Variants in KIRREL2 observed in about 807,000 individuals in gnomAD.
The protein encoded by KIRREL2 is kin of IRRE-like protein 2.
KIRREL2 carries 56 observed loss-of-function variants against 73.4 expected under a neutral mutation model. The observed-to-expected ratio is 0.76, with a 90% CI of 0.62 to 0.95. KIRREL2 has a LOEUF of 0.95. Among genes scored for constraint, KIRREL2 ranks in the 40% least tolerant of loss-of-function variants. The probability of loss-of-function intolerance (pLI) is 0.00; values close to 1 mark genes in which losing one functional copy is unlikely to be tolerated. For missense variants in KIRREL2, 896 were observed against 935.0 expected (o/e 0.96, Z 0.54); for synonymous variants, 407 against 404.0 (o/e 1.01, Z -0.09).
chr19:35,860,662 T>C lies in KIRREL2; in HGVS notation c.923T>C (p.Val308Ala). The change falls in exon 7 of 15, where the codon GTG (valine) becomes GCG (alanine). Residue 308 changes from valine to alanine, a missense_variant. Physicochemically the swap from Val to Ala is moderately conservative, Grantham distance 64. Transcript: ENST00000360202. ...GCCAACCGCAGTACTGCGCTGGATG[T>C]GCTGTGTGAGCTGGGGCCGGCCTGT... ...GSANRSTALD[V>A]LFGPILQAKP... is the part of the protein sequence containing the mutation. 1 of 1,602,674 alleles carries C rather than the reference T, an allele frequency of 6.2e-7. No homozygotes were observed. Among genetic ancestry groups the C allele is most frequent in the Non-Finnish European group, 8.5e-7 (1 of 1,179,788 alleles).
At position 35,858,697 on chromosome 19, in the gene KIRREL2, C is replaced by T; in HGVS notation, c.362-7C>T. The T allele has an allele frequency of 6.2e-7, 1 of 1,613,728 alleles. No homozygotes were observed. Among genetic ancestry groups the T allele is most frequent in the Non-Finnish European group, 8.5e-7 (1 of 1,179,848 alleles). On this transcript the variant is annotated splice_region_variant and splice_polypyrimidine_tract_variant and intron_variant, in intron 3 of 14. Coordinates refer to ENST00000360202, the MANE Select transcript of KIRREL2 (RefSeq NM_199180.4). ...GATCCATCTCTGACCCCAAATCCAC[C>T]TTGCAGTCCCCCCAGAAGCCCCCCA...
rs766271452 is a variant in KIRREL2 at position 35,866,262 on chromosome 19, C to A, written c.1897C>A (p.Pro633Thr). 2.5e-6 allele frequency: 4 copies of A among 1,605,824 alleles called. No individual in the cohort carries two copies. Among genetic ancestry groups the A allele is most frequent in the East Asian group, 4.5e-5 (2 of 44,828 alleles). Residue 633 changes from proline (P) to threonine (T), a missense_variant, in exon 15 of 15, where the codon CCC becomes ACC. Pro to Thr is a conservative substitution (Grantham distance 38). Coordinates refer to ENST00000360202, the MANE Select transcript of KIRREL2 (RefSeq NM_199180.4). The part of the protein sequence containing the change: ...LFLPPPSPLG[P>T]PGTPTFYDFN... Reference sequence around the variant, plus strand: ...CCTGCCACCACCCTCCCCCCTTGGGCCCCCAGGGACCCCTACCTTCTATGA... The same window carrying A: ...CCTGCCACCACCCTCCCCCCTTGGGACCCCAGGGACCCCTACCTTCTATGA...
chr19:35,856,828 A>G (rs1973440682), upstream of KIRREL2: 1 of 492,374 alleles, frequency 2.0e-6, no homozygotes, highest in Non-Finnish European at 3.6e-6. The surrounding 1 kb of genome is among the most constrained non-coding windows in gnomAD (Gnocchi z 5.9). Flanking sequence ...CAGCCGCGGG[A>G]GTTTCTCAAC....
upstream of KIRREL2, among the ~76,000 whole-genome samples, chr19:35,853,123 C>T (rs1035001597): frequency 6.6e-6 from 1 of 152,074 alleles, no homozygotes; most frequent in Non-Finnish European, 1.5e-5. Context: ...GACATCAGTG[C>T]CTAAATGATG....
chr19:35,861,174 C>CTATGCACACATAGACGCCCGAGG lies in KIRREL2; in HGVS notation c.1109_1110insTATGCACACATAGACGCCCGAGG (p.Gly371MetfsTer4). 6.3e-7 allele frequency: 1 copy of CTATGCACACATAGACGCCCGAGG among 1,584,892 alleles called. No individual in the cohort carries two copies. The highest frequency in any genetic ancestry group is 8.6e-7 in the Non-Finnish European group (1 of 1,167,988). On this transcript the variant is annotated stop_gained and frameshift_variant, in exon 9 of 15. Coordinates refer to ENST00000360202, the MANE Select transcript of KIRREL2 (RefSeq NM_199180.4). LOFTEE classifies it high-confidence loss of function. ...CTTCCGTCGGTGGGGCCCGAGGACGCAGGCGACTATGTGTGCAGAGCTGAG... is the reference window on the plus strand; with the variant it reads ...CTTCCGTCGGTGGGGCCCGAGGACGCTATGCACACATAGACGCCCGAGGAGGCGACTATGTGTGCAGAGCTGAG...
In KIRREL2 at chr19:35,859,561, C is replaced by A. The variant is rs369090630; in HGVS notation, c.603C>A (p.Thr201=). 2 of 1,614,046 alleles carry A rather than the reference C, an allele frequency of 1.2e-6. No individual in the cohort carries two copies. Among genetic ancestry groups the A allele is most frequent in the Non-Finnish European group, 1.7e-6 (2 of 1,180,038 alleles). ...LTPFSHDDGA[T]FVCRARSQAL... is the part of the protein sequence containing the mutation. ...CTTTCAGCCATGATGATGGAGCCAC[C>A]TTTGTCTGCCGGGCCCGGAGCCAGG... The change falls in exon 5 of 15, where the codon ACC becomes ACA. Residue 201 remains threonine, a synonymous_variant. Coordinates refer to ENST00000360202, the MANE Select transcript of KIRREL2 (RefSeq NM_199180.4).
At chr19:35,853,979 G>A (rs1416391608), upstream of KIRREL2, among the ~76,000 whole-genome samples, 2 of 151,926 alleles carry the variant, frequency 1.3e-5, no homozygotes, top group African/African-American at 2.4e-5. Flanking sequence ...TGAGTAGCTG[G>A]GAATACAGGC....
intron 14 of KIRREL2, among the ~76,000 whole-genome samples, chr19:35,865,421 G>T (rs941345818): frequency 6.6e-6 from 1 of 152,094 alleles, no homozygotes; most frequent in African/African-American, 2.4e-5. Flanking sequence ...AAAGTGCTGG[G>T]ATTACAGGCG....
chr19:35,860,950 G>C lies in KIRREL2; in HGVS notation c.970G>C (p.Asp324His). ...LQAKPEPVSV[D>H]VGEDASFSCA... The stretch of plus-strand genomic sequence containing the variant: ...GGCAAAGCCGGAGCCCGTGTCCGTG[G>C]ACGTGGGGGAAGACGCTTCCTTCAG... The change falls in exon 8 of 15, where the codon GAC (aspartate) becomes CAC (histidine). Residue 324 changes from aspartate (D) to histidine (H), a missense_variant. Physicochemically the swap from Asp to His is moderately conservative, Grantham distance 81 (BLOSUM62 -1). Coordinates refer to ENST00000360202, the MANE Select transcript of KIRREL2 (RefSeq NM_199180.4). 6.2e-7 allele frequency: 1 copy of C among 1,614,022 alleles called. No homozygotes were observed. The highest frequency in any genetic ancestry group is 8.5e-7 in the Non-Finnish European group (1 of 1,180,010).
chr19:35,860,798 G>C, intron 7 of KIRREL2, 111 bp from the exon 8 acceptor site: 1 of 1,586,192 alleles, frequency 6.3e-7, no homozygotes, highest in African/African-American at 1.3e-5. Context: ...GTGTGGAGCT[G>C]GGGCATATTC....
At chr19:35,863,081 A>G in intron 13 of KIRREL2, 45 bp downstream of exon 13, 1 of 1,097,304 alleles carries the variant, frequency 9.1e-7, no homozygotes, top group Non-Finnish European at 1.4e-6. Context: ...TCCAGACCTA[A>G]ATAATAGCCC....
intron 12 of KIRREL2, 144 bp from the exon 13 acceptor site, chr19:35,862,783 C>T: frequency 4.4e-6 from 3 of 685,514 alleles, no homozygotes; most frequent in South Asian, 3.5e-5. Flanking sequence ...GGGTCACACT[C>T]CTCGGTGGGA....
rs761903450 is a variant in KIRREL2, at chr19:35,866,345, C to T, written c.1980C>T (p.Gly660=). ...GCAGACTTTACAGAGCCAGGGCAGG[C>T]TATCTCACCACACCCCACCCTCGAG... is the stretch of plus-strand genomic sequence containing the variant. ...PPCRLYRARA[G]YLTTPHPRAF... The change falls in exon 15 of 15, where the codon GGC becomes GGT. Residue 660 remains glycine (G), a synonymous_variant. Transcript: ENST00000360202. 2 of 1,612,384 alleles carry T rather than the reference C, an allele frequency of 1.2e-6. No individual in the cohort carries two copies. Among genetic ancestry groups the T allele is most frequent in the Non-Finnish European group, 1.7e-6 (2 of 1,178,598 alleles).
chr19:35,851,805 G>T (rs1262933530), upstream of KIRREL2: 1 of 1,553,170 alleles, frequency 6.4e-7, no homozygotes, highest in Non-Finnish European at 8.7e-7. Flanking sequence ...CCAGGAGCAG[G>T]AGAGAAGCCC....
At chr19:35,862,088 C>G (rs1973721358) in intron 11 of KIRREL2, 64 bp downstream of exon 11, 2 of 1,418,998 alleles carry the variant, frequency 1.4e-6, no homozygotes, top group African/African-American at 1.4e-5. Context: ...CAGGGATCCC[C>G]CAGCCGAGGG....
rs1973583503 is a variant in KIRREL2 at position 35,859,742 on chromosome 19, G to A, written c.673+111G>A. On this transcript the variant is annotated intron_variant, in intron 5 of 14. Coordinates refer to ENST00000360202, the MANE Select transcript of KIRREL2 (RefSeq NM_199180.4). ...TGAGGAAACTGGAGCCTGGACTCCTGGATCTAAGATAGCAGGAGAGGGCTG... is the reference window on the plus strand; with the variant it reads ...TGAGGAAACTGGAGCCTGGACTCCTAGATCTAAGATAGCAGGAGAGGGCTG... The A allele has an allele frequency of 2.3e-6, 3 of 1,280,124 alleles. No individual in the cohort carries two copies. The South Asian group carries it at 4.3e-5, about 18-fold the overall frequency. 79.3% of individuals were successfully genotyped at this position (1,280,124 alleles called of 1,614,324 possible).
At chr19:35,856,194 A>G (rs1973414897), upstream of KIRREL2, among the ~76,000 whole-genome samples, 2 of 152,168 alleles carry the variant, frequency 1.3e-5, no homozygotes, top group African/African-American at 4.8e-5. This position sits in a 1 kb window ranked among gnomAD's most constrained non-coding sequence, Gnocchi z 5.9. Flanking sequence ...TGGAGCCGTC[A>G]GGACAAGCTG....
At position 35,857,428 on chromosome 19, in the gene KIRREL2, G is replaced by T; in HGVS notation, c.145G>T (p.Ala49Ser). 6.2e-7 allele frequency: 1 copy of T among 1,612,858 alleles called. No homozygotes were observed. Among genetic ancestry groups the T allele is most frequent in the Non-Finnish European group, 8.5e-7 (1 of 1,179,816 alleles). The change falls in exon 2 of 15, where the codon GCC (alanine) becomes TCC (serine). Residue 49 changes from alanine (A) to serine (S), a missense_variant. By Grantham distance (99) the Ala-to-Ser change is moderately conservative. Coordinates refer to ENST00000360202, the MANE Select transcript of KIRREL2 (RefSeq NM_199180.4). ...AGCCCGGCTGCCGTGTGCTCTGGGC[G>T]CCTACTGGGGGCTAGTTCAGTGGAC... Reference protein sequence around the residue: ...EEARLPCALGAYWGLVQWTKS... With the variant: ...EEARLPCALGSYWGLVQWTKS...
chr19:35,857,533 G>T, intron 2 of KIRREL2, 39 bp downstream of exon 2: 1 of 1,502,922 alleles, frequency 6.7e-7, no homozygotes, highest in Non-Finnish European at 8.9e-7. Context: ...GGCTGGCTAG[G>T]GGGAGAGTTG....
Sources: gnomAD v4.1 joint callset for allele counts (sites outside exome capture counted in the v4.1 genomes callset) on GRCh38, gnomAD v4.1.1 for gene constraint, Gnocchi (gnomAD v3.1) non-coding constraint, MANE v1.5 for transcripts, NCBI Gene and HGNC (gene_info 2026-07-23, HGNC 2026-07-21) for gene names.